Variants in CFAP299 observed in about 807,000 individuals in gnomAD.
The protein encoded by CFAP299 is cilia- and flagella-associated protein 299.
A neutral mutation model predicts 27.0 loss-of-function variants in CFAP299; 21 were observed. That is an observed-to-expected ratio of 0.78 (90% CI 0.55 to 1.12). CFAP299 has a LOEUF of 1.12. CFAP299 is among the 50% of genes most tolerant of loss of function. The pLI is 0.00. For missense variants in CFAP299, 310 were observed against 276.6 expected, an observed-to-expected ratio of 1.12 and a Z score of -0.86; for synonymous variants, 104 against 98.1, an observed-to-expected ratio of 1.06 and a Z score of -0.36.
intron 2 of CFAP299, 129 bp from the exon 3 acceptor site, chr4:80,582,964 A>C: frequency 8.0e-6 from 4 of 502,342 alleles, no homozygotes; most frequent in South Asian, 8.5e-5. Context: ...CTAGTAGATC[A>C]TGATTTTATT....
At chr4:80,951,499 AAG>A (rs1275636151) in intron 5 of CFAP299, among the ~76,000 whole-genome samples, 1 of 152,158 alleles carries the variant, frequency 6.6e-6, no homozygotes, top group Non-Finnish European at 1.5e-5. Context: ...CTATTATCAC[AAG>A]AGCTCTTTAT....
intron 2 of CFAP299, among the ~76,000 whole-genome samples, chr4:80,429,635 A>G (rs920798473): frequency 6.6e-6 from 1 of 152,152 alleles, no homozygotes; most frequent in African/African-American, 2.4e-5. Flanking sequence ...GAAATTTGAT[A>G]TTAAGAACAT....
intron 3 of CFAP299, among the ~76,000 whole-genome samples, chr4:80,687,982 G>A (rs1442343717): frequency 6.6e-6 from 1 of 152,224 alleles, no homozygotes; most frequent in East Asian, 1.9e-4. Context: ...CTTTTCCGAA[G>A]GGCTTAAAAA....
chr4:80,435,352 A>G (rs1368780440), intron 2 of CFAP299, among the ~76,000 whole-genome samples: 5 of 152,230 alleles, frequency 3.3e-5, no homozygotes, highest in African/African-American at 1.2e-4. Flanking sequence ...AAAGGCAAGC[A>G]TCTTTAGGTT....
chr4:80,391,056 C>A (rs189232195), intron 2 of CFAP299, among the ~76,000 whole-genome samples: 1 of 151,360 alleles, frequency 6.6e-6, no homozygotes, highest in East Asian at 1.9e-4. Flanking sequence ...TATATACACA[C>A]ATATATATAC....
Position 80,885,150 on chromosome 4 carries a change from C to A in CFAP299, c.476+15015C>A, listed in dbSNP as rs1733912231. The stretch of plus-strand genomic sequence containing the variant: ...TTGCTGGGCTCAGCCAGTGCCCACA[C>A]ATGGAGGGAGTATTTGGACCAGCCC... On this transcript the variant is annotated intron_variant, in intron 4 of 5. Coordinates refer to ENST00000358105, the MANE Select transcript of CFAP299 (RefSeq NM_152770.3). 5.3e-5 allele frequency among the ~76,000 whole-genome samples: 8 copies of A among 152,266 alleles called. No homozygotes were observed. In the South Asian group the frequency reaches 1.7e-3, roughly 32 times the overall value.
At chr4:80,480,982 A>G (rs1410088447) in intron 2 of CFAP299, among the ~76,000 whole-genome samples, 1 of 152,056 alleles carries the variant, frequency 6.6e-6, no homozygotes, top group African/African-American at 2.4e-5. Context: ...TATCAAAGCT[A>G]TATATTATTT....
intron 3 of CFAP299, among the ~76,000 whole-genome samples, chr4:80,607,696 C>T (rs114680780): frequency 0.01 from 1,575 of 152,270 alleles, 23 homozygotes; most frequent in African/African-American, 0.036. Flanking sequence ...ACAGTGATCG[C>T]TCAGCTTCTG....
intron 3 of CFAP299, among the ~76,000 whole-genome samples, chr4:80,772,710 T>C (rs1169523383): frequency 6.6e-6 from 1 of 151,962 alleles, no homozygotes; most frequent in Non-Finnish European, 1.5e-5. Flanking sequence ...CTTTCCCTCC[T>C]CTTGCCCTCC....
At chr4:80,536,335 G>T (rs574593984) in intron 2 of CFAP299, among the ~76,000 whole-genome samples, 1 of 152,270 alleles carries the variant, frequency 6.6e-6, no homozygotes, top group African/African-American at 2.4e-5. Flanking sequence ...TAATAAATCT[G>T]TGATTTGTCT....
chr4:80,926,940 G>A (rs1736338992), intron 4 of CFAP299, among the ~76,000 whole-genome samples: 1 of 152,046 alleles, frequency 6.6e-6, no homozygotes. Flanking sequence ...TCACCTGAAT[G>A]TTTCCTCTTC....
chr4:80,961,999 C>CA (rs1738367558), intron 5 of CFAP299, among the ~76,000 whole-genome samples: 1 of 151,568 alleles, frequency 6.6e-6, no homozygotes, highest in Non-Finnish European at 1.5e-5. Flanking sequence ...CAAAAATAGC[C>CA]AAAAAGGAAA....
the CFAP299 span, among the ~76,000 whole-genome samples, chr4:80,326,546 A>G: frequency 1.3e-5 from 2 of 152,162 alleles, no homozygotes; most frequent in Admixed American, 1.3e-4. Flanking sequence ...AATGATGATA[A>G]TGAGCCACTC....
At chr4:80,387,759 G>C in intron 2 of CFAP299, 2 of 1,589,286 alleles carry the variant, frequency 1.3e-6, no homozygotes, top group Non-Finnish European at 1.7e-6. Flanking sequence ...GCAGGTCGAA[G>C]TTTTTGGTGA....
rs74556156 is a variant in CFAP299, at chr4:80,726,928, T to C, written c.334-143065T>C. Among the ~76,000 whole-genome samples the C allele has an allele frequency of 5.9e-3, 895 of 152,298 alleles. 7 individuals carry two copies. Among genetic ancestry groups the C allele is most frequent in the African/African-American group, 0.02 (834 of 41,584 alleles). ...ATCTAGGAATACTTTCCATGATTAATGTTTTTCTTTTAGTTCACTAATTTA... is the reference window on the plus strand; with the variant it reads ...ATCTAGGAATACTTTCCATGATTAACGTTTTTCTTTTAGTTCACTAATTTA... On this transcript the variant is annotated intron_variant, in intron 3 of 5. Coordinates refer to ENST00000358105, the MANE Select transcript of CFAP299 (RefSeq NM_152770.3).
chr4:80,390,273 C>T (rs943023092), intron 2 of CFAP299, among the ~76,000 whole-genome samples: 11 of 151,724 alleles, frequency 7.3e-5, no homozygotes, highest in Non-Finnish European at 1.3e-4. Context: ...TGACATCTCC[C>T]GATTTACCCT....
intron 3 of CFAP299, among the ~76,000 whole-genome samples, chr4:80,803,615 C>T (rs1232913650): frequency 1.3e-5 from 2 of 151,658 alleles, no homozygotes; most frequent in South Asian, 2.1e-4. Context: ...ACACCAGTTA[C>T]ATATGCAACG....
At chr4:80,606,131 G>C (rs1264591661) in intron 3 of CFAP299, among the ~76,000 whole-genome samples, 2 of 152,132 alleles carry the variant, frequency 1.3e-5, no homozygotes, top group African/African-American at 2.4e-5. Flanking sequence ...AGTCAGTGGT[G>C]GTATGTATTG....
At chr4:80,718,286 C>G (rs1370172011) in intron 3 of CFAP299, among the ~76,000 whole-genome samples, 1 of 152,078 alleles carries the variant, frequency 6.6e-6, no homozygotes, top group Non-Finnish European at 1.5e-5. Flanking sequence ...CGTGTTCCTT[C>G]TGAGTCAAAG....
Sources: gnomAD v4.1 joint callset for allele counts (sites outside exome capture counted in the v4.1 genomes callset) on GRCh38, gnomAD v4.1.1 for gene constraint, MANE v1.5 for transcripts, NCBI Gene and HGNC (gene_info 2026-07-23, HGNC 2026-07-21) for gene names.